LARGE1: variants seen among roughly 807,000 people sequenced by gnomAD.
LARGE1 encodes the protein xylosyl- and glucuronyltransferase LARGE1.
LARGE1 carries 43 observed loss-of-function variants against 87.6 expected under a neutral mutation model. The observed-to-expected ratio is 0.49, with a 90% CI of 0.38 to 0.63. The LOEUF is 0.63. Among genes scored for constraint, LARGE1 ranks in the 30% least tolerant of loss-of-function variants. The probability of loss-of-function intolerance (pLI) is 0.00; values close to 1 mark genes in which losing one functional copy is unlikely to be tolerated. For synonymous variants in LARGE1, 434 were observed against 394.6 expected, an observed-to-expected ratio of 1.10 and a Z score of -1.18; for missense variants, 802 against 1,000.2, an observed-to-expected ratio of 0.80 and a Z score of 2.67.
intron 6 of LARGE1, among the ~76,000 whole-genome samples, chr22:33,448,425 T>TAAGAA (rs981203069): frequency 6.6e-6 from 1 of 152,240 alleles, no homozygotes; most frequent in African/African-American, 2.4e-5. Context: ...AACAATAAAT[T>TAAGAA]AAGAAAAGAA....
intron 1 of LARGE1, among the ~76,000 whole-genome samples, chr22:33,914,849 G>A (rs1004220391): frequency 1.3e-5 from 2 of 152,050 alleles, no homozygotes; most frequent in Admixed American, 6.6e-5. Flanking sequence ...TAGAGACAGC[G>A]CCTGAAGCCC....
At chr22:33,150,170 A>T in the LARGE1 span, among the ~76,000 whole-genome samples, 1 of 152,242 alleles carries the variant, frequency 6.6e-6, no homozygotes, top group Non-Finnish European at 1.5e-5. Context: ...CACCACATCC[A>T]GACAATGAGA....
At chr22:33,870,508 T>C (rs934991093) in intron 1 of LARGE1, among the ~76,000 whole-genome samples, 6 of 152,168 alleles carry the variant, frequency 3.9e-5, no homozygotes, top group African/African-American at 9.7e-5. Context: ...GACAAACTCA[T>C]TTTATTCCCA....
At chr22:33,524,272 C>T (rs1210979460) in intron 6 of LARGE1, among the ~76,000 whole-genome samples, 2 of 134,380 alleles carry the variant, frequency 1.5e-5, no homozygotes, top group Non-Finnish European at 3.1e-5. Context: ...GCCTGGGCAA[C>T]AGAGTGAGAC....
chr22:33,376,035 T>G (rs1426547510), intron 9 of LARGE1, among the ~76,000 whole-genome samples: 1 of 152,244 alleles, frequency 6.6e-6, no homozygotes, highest in Non-Finnish European at 1.5e-5. Flanking sequence ...GAAAAGCCAA[T>G]ATCACCGTAG....
At chr22:33,268,061 T>C (rs1179605437), downstream of LARGE1, among the ~76,000 whole-genome samples, 2 of 151,284 alleles carry the variant, frequency 1.3e-5, no homozygotes, top group Non-Finnish European at 2.9e-5. Flanking sequence ...GCTGAGGCGA[T>C]TCTCCTCTCA....
chr22:33,116,588 C>T, the LARGE1 span, among the ~76,000 whole-genome samples: 1 of 151,736 alleles, frequency 6.6e-6, no homozygotes, highest in Non-Finnish European at 1.5e-5. Context: ...TGGTCTCGAT[C>T]TCCTGACCTC....
intron 1 of LARGE1, among the ~76,000 whole-genome samples, chr22:33,893,100 T>C (rs147089433): frequency 0.018 from 2,702 of 152,332 alleles, 36 homozygotes; most frequent in Non-Finnish European, 0.028. Flanking sequence ...CGATGCATTA[T>C]TGAAGCCACA....
At chr22:33,855,168 A>G (rs1325941077) in intron 1 of LARGE1, among the ~76,000 whole-genome samples, 3 of 152,072 alleles carry the variant, frequency 2.0e-5, no homozygotes, top group African/African-American at 7.2e-5. Context: ...CCCTGTCTCT[A>G]CTAAAAATAC....
intron 1 of LARGE1, among the ~76,000 whole-genome samples, chr22:33,917,193 G>GT (rs2065812586): frequency 6.6e-6 from 1 of 152,320 alleles, no homozygotes; most frequent in African/African-American, 2.4e-5. Flanking sequence ...ATATCTGCCT[G>GT]TTTTTGTGAC....
intron 11 of LARGE1, among the ~76,000 whole-genome samples, chr22:33,217,214 T>C (rs1280988587): frequency 2.7e-5 from 4 of 147,084 alleles, no homozygotes; most frequent in Non-Finnish European, 4.5e-5. Flanking sequence ...TAAATTATGA[T>C]AGGTAGTTAA....
chr22:33,387,837 T>C (rs545659713), intron 7 of LARGE1, among the ~76,000 whole-genome samples: 1 of 152,338 alleles, frequency 6.6e-6, no homozygotes, highest in African/African-American at 2.4e-5. Flanking sequence ...CAAACTAATA[T>C]AATGAATACC....
chr22:33,695,483 T>C (rs1004577502), intron 2 of LARGE1, among the ~76,000 whole-genome samples: 2 of 152,178 alleles, frequency 1.3e-5, no homozygotes, highest in Admixed American at 6.5e-5. Context: ...TATTTTATTA[T>C]GAAAAATTCC....
intron 11 of LARGE1, among the ~76,000 whole-genome samples, chr22:33,245,307 C>G (rs5754495): frequency 0.023 from 3,533 of 152,260 alleles, 278 homozygotes; most frequent in East Asian, 0.2. Flanking sequence ...TCTCGTGGAG[C>G]TTTCCTGGGT....
At chr22:33,259,017 A>T (rs1270083958) in intron 11 of LARGE1, among the ~76,000 whole-genome samples, 1 of 151,830 alleles carries the variant, frequency 6.6e-6, no homozygotes, top group Non-Finnish European at 1.5e-5. Flanking sequence ...AGCTGGGATT[A>T]TGGGCGCCCG....
chr22:33,834,046 G>T (rs1005759056), intron 1 of LARGE1, among the ~76,000 whole-genome samples: 1 of 152,098 alleles, frequency 6.6e-6, no homozygotes, highest in Non-Finnish European at 1.5e-5. Flanking sequence ...ACTTACTGGA[G>T]CCACTCAGCC....
intron 12 of LARGE1, among the ~76,000 whole-genome samples, chr22:33,301,769 T>A (rs1396587726): frequency 6.6e-6 from 1 of 152,160 alleles, no homozygotes; most frequent in Non-Finnish European, 1.5e-5. Flanking sequence ...AACTACCACC[T>A]CAAGTGACTC....
At chr22:33,227,743 A>G (rs1318724235) in intron 11 of LARGE1, among the ~76,000 whole-genome samples, 1 of 152,222 alleles carries the variant, frequency 6.6e-6, no homozygotes, top group Non-Finnish European at 1.5e-5. Flanking sequence ...AGTTTCCACA[A>G]TGCTTAGCTG....
At chr22:33,788,154 A>G (rs1258176827) in intron 1 of LARGE1, among the ~76,000 whole-genome samples, 6 of 152,102 alleles carry the variant, frequency 3.9e-5, no homozygotes, top group Non-Finnish European at 8.8e-5. Context: ...CCAGGTGGAG[A>G]TAAGTGAATC....
Sources: allele counts gnomAD v4.1 joint callset (sites outside exome capture counted in the v4.1 genomes callset), GRCh38; gene constraint gnomAD v4.1.1; transcripts MANE v1.5; gene names NCBI Gene and HGNC (gene_info 2026-07-23, HGNC 2026-07-21).